Variants in VPS37A observed in about 807,000 individuals in gnomAD.
VPS37A encodes vacuolar protein sorting-associated protein 37A.
In VPS37A, 30 loss-of-function variants were observed where a neutral mutation model predicts 49.8. The observed-to-expected ratio is 0.60, with a 90% CI of 0.45 to 0.82. The LOEUF (loss-of-function observed/expected upper bound fraction) is 0.82, where lower values mean the gene tolerates loss of function less well. Among genes scored for constraint, VPS37A ranks in the 40% least tolerant of loss-of-function variants. The pLI, the probability that VPS37A is intolerant of heterozygous loss-of-function variation, is 0.00. For synonymous variants in VPS37A, 195 were observed against 160.6 expected, an observed-to-expected ratio of 1.21 and a Z score of -1.62; for missense variants, 593 against 464.4, an observed-to-expected ratio of 1.28 and a Z score of -2.55.
At chr8:17,279,178 G>A (rs1360455644) in intron 6 of VPS37A, among the ~76,000 whole-genome samples, 2 of 152,092 alleles carry the variant, frequency 1.3e-5, no homozygotes, top group Admixed American at 6.6e-5. Flanking sequence ...CTTATGTGCC[G>A]TGTCTTACTG....
chr8:17,311,688 A>T, the VPS37A span: 2 of 1,611,708 alleles, frequency 1.2e-6, no homozygotes, highest in African/African-American at 2.7e-5. Context: ...GTAAAAAGGC[A>T]GAACCTCTCA....
At chr8:17,305,241 T>A (rs1021596603), downstream of VPS37A, among the ~76,000 whole-genome samples, 1 of 152,226 alleles carries the variant, frequency 6.6e-6, no homozygotes, top group Non-Finnish European at 1.5e-5. Context: ...TATGAAAATT[T>A]AAAAAATGTT....
intron 11 of VPS37A, among the ~76,000 whole-genome samples, chr8:17,289,224 C>T (rs1165174782): frequency 6.6e-6 from 1 of 151,956 alleles, no homozygotes; most frequent in Non-Finnish European, 1.5e-5. Flanking sequence ...CTCATTTGTC[C>T]ATTTTGGCTT....
At chr8:17,266,833 G>C (rs940618040) in intron 2 of VPS37A, among the ~76,000 whole-genome samples, 2 of 152,058 alleles carry the variant, frequency 1.3e-5, no homozygotes, top group African/African-American at 4.8e-5. Context: ...GAGTGCAGTG[G>C]CACAATCTTG....
At chr8:17,280,579 C>A in intron 9 of VPS37A, 136 bp downstream of exon 9, 1 of 721,596 alleles carries the variant, frequency 1.4e-6, no homozygotes, top group Non-Finnish European at 2.2e-6. Flanking sequence ...TACCTTTAAA[C>A]GTGGATGAAC....
chr8:17,267,036 G>T (rs1264943012), intron 2 of VPS37A, among the ~76,000 whole-genome samples: 4 of 152,138 alleles, frequency 2.6e-5, no homozygotes, highest in Non-Finnish European at 2.9e-5. Flanking sequence ...CTCCCAAAGT[G>T]CTGGAATTAC....
intron 1 of VPS37A, among the ~76,000 whole-genome samples, chr8:17,251,622 G>C (rs562965159): frequency 2.6e-5 from 4 of 152,292 alleles, no homozygotes; most frequent in African/African-American, 9.6e-5. Flanking sequence ...TAGAAAGCAA[G>C]TCCATTCCAG....
At chr8:17,331,740 G>C in the VPS37A span, among the ~76,000 whole-genome samples, 1 of 152,118 alleles carries the variant, frequency 6.6e-6, no homozygotes, top group African/African-American at 2.4e-5. Context: ...TTATCAAATA[G>C]GAATGGTTGC....
At chr8:17,333,407 T>C in the VPS37A span, among the ~76,000 whole-genome samples, 1 of 152,358 alleles carries the variant, frequency 6.6e-6, no homozygotes, top group Non-Finnish European at 1.5e-5. Context: ...TGTTGGTTTA[T>C]CCTTTATAAC....
chr8:17,258,728 C>G (rs768220792), intron 1 of VPS37A, among the ~76,000 whole-genome samples: 8 of 151,954 alleles, frequency 5.3e-5, no homozygotes, highest in South Asian at 2.1e-4. Context: ...AATTCACCAG[C>G]GAAGCTATCA....
At chr8:17,283,371 G>C (rs1815281243) in intron 9 of VPS37A, among the ~76,000 whole-genome samples, 1 of 152,102 alleles carries the variant, frequency 6.6e-6, no homozygotes, top group Non-Finnish European at 1.5e-5. Flanking sequence ...GCCCAGCCTG[G>C]TCATGAACTC....
chr8:17,296,143 CT>C lies in VPS37A; in HGVS notation c.*1163del, dbSNP rs1451036822. The C allele has an allele frequency of 6.6e-6, 1 of 152,242 alleles. No homozygotes were observed. Among genetic ancestry groups the C allele is most frequent in the African/African-American group, 2.4e-5 (1 of 41,542 alleles). The allele number at this position is 152,242 out of a possible 1,614,324, so 9.4% of individuals were successfully genotyped here. On this transcript the variant is annotated 3_prime_UTR_variant, in exon 12 of 12. Transcript: ENST00000324849. ...CCAGCATATAGTATAGATTGTCTGT[CT>C]TTTTTATATTTTTTAGTTCTTCCTG...
At chr8:17,289,345 C>T (rs952249622) in intron 11 of VPS37A, among the ~76,000 whole-genome samples, 4 of 152,062 alleles carry the variant, frequency 2.6e-5, no homozygotes, top group African/African-American at 4.8e-5. Flanking sequence ...TAGGTCTTAA[C>T]GTTTAAATCT....
chr8:17,327,747 T>C, the VPS37A span, among the ~76,000 whole-genome samples: 1,040 of 152,340 alleles, frequency 6.8e-3, 10 homozygotes, highest in African/African-American at 0.022. Flanking sequence ...CTTTTGAGTA[T>C]TGAATATCTT....
chr8:17,306,103 T>C, downstream of VPS37A: 1 of 674,482 alleles, frequency 1.5e-6, no homozygotes, highest in Non-Finnish European at 2.4e-6. Context: ...GGTAGAAAAG[T>C]TAAGATTTTA....
At chr8:17,253,775 A>G (rs1454388106) in intron 1 of VPS37A, among the ~76,000 whole-genome samples, 2 of 152,228 alleles carry the variant, frequency 1.3e-5, no homozygotes, top group African/African-American at 4.8e-5. Flanking sequence ...AAAATGTGAA[A>G]TAAGTGCTCC....
At chr8:17,283,882 T>C (rs575283478) in intron 9 of VPS37A, among the ~76,000 whole-genome samples, 1 of 152,318 alleles carries the variant, frequency 6.6e-6, no homozygotes, top group Admixed American at 6.5e-5. Flanking sequence ...GAGATTTTGA[T>C]AGGGATTGCA....
At chr8:17,281,703 A>G (rs1815069572) in intron 9 of VPS37A, among the ~76,000 whole-genome samples, 1 of 152,060 alleles carries the variant, frequency 6.6e-6, no homozygotes, top group Non-Finnish European at 1.5e-5. Flanking sequence ...TTTACCAAAA[A>G]TAAACAATCA....
intron 2 of VPS37A, 46 bp from the exon 3 acceptor site, chr8:17,268,212 C>CT (rs761535013): frequency 2.2e-6 from 3 of 1,347,050 alleles, no homozygotes; most frequent in Non-Finnish European, 2.1e-6. Context: ...TATAATGTAC[C>CT]TTTGTTATCT....
Sources: gnomAD v4.1 joint callset for allele counts (sites outside exome capture counted in the v4.1 genomes callset) on GRCh38, gnomAD v4.1.1 for gene constraint, MANE v1.5 for transcripts, NCBI Gene and HGNC (gene_info 2026-07-23, HGNC 2026-07-21) for gene names.